EIF4G3: variants seen among roughly 807,000 people sequenced by gnomAD.
The protein encoded by EIF4G3 is eIF-4-gamma 3.
A neutral mutation model predicts 186.4 loss-of-function variants in EIF4G3; 34 were observed. The ratio of observed to expected loss-of-function variants is 0.18; its 90% confidence interval spans 0.14 to 0.24. EIF4G3 has a LOEUF of 0.24. Ranked by LOEUF, EIF4G3 falls within the 10% of genes least tolerant of loss-of-function variation. The pLI is 1.00. For missense variants in EIF4G3, 1,536 were observed against 1,948.5 expected (o/e 0.79, Z 3.99); for synonymous variants, 673 against 679.5 (o/e 0.99, Z 0.15).
At chr1:20,907,542 T>TCC (rs2092436750) in intron 14 of EIF4G3, among the ~76,000 whole-genome samples, 2 of 97,852 alleles carry the variant, frequency 2.0e-5, no homozygotes, top group South Asian at 7.5e-4. Flanking sequence ...CCCTCCCCCC[T>TCC]CCCCCAACCC....
chr1:20,841,248 A>G (rs1346057917), intron 29 of EIF4G3: 1 of 363,158 alleles, frequency 2.8e-6, no homozygotes, highest in Non-Finnish European at 4.8e-6. Flanking sequence ...AAAGAGCATT[A>G]CAGCCCTTTT....
At position 20,953,655 on chromosome 1, in the gene EIF4G3, T is replaced by C. The variant is rs569648041; in HGVS notation, c.715-3544A>G. 3.0e-3 allele frequency among the ~76,000 whole-genome samples: 451 copies of C among 152,354 alleles called. No individual in the cohort carries two copies. In the Middle Eastern group the frequency reaches 0.034, roughly 11 times the overall value. On this transcript the variant is annotated intron_variant, in intron 12 of 36. Transcript: ENST00000602326. Reference sequence around the variant, plus strand: ...TGTTTTGCACAAAAAAGGGGTCACCTTCTTTTGTCTTCTATTTTAATCACA... The same window carrying C: ...TGTTTTGCACAAAAAAGGGGTCACCCTCTTTTGTCTTCTATTTTAATCACA...
chr1:21,092,908 T>C (rs1435113937), intron 2 of EIF4G3, among the ~76,000 whole-genome samples: 1 of 152,190 alleles, frequency 6.6e-6, no homozygotes, highest in Non-Finnish European at 1.5e-5. Flanking sequence ...TGTAGAAAGC[T>C]GAAACTGGAT....
intron 2 of EIF4G3, among the ~76,000 whole-genome samples, chr1:21,126,825 T>G (rs2097055320): frequency 6.6e-6 from 1 of 152,058 alleles, no homozygotes; most frequent in African/African-American, 2.4e-5. Context: ...AATCCAAAGA[T>G]GCTCAATTCC....
intron 18 of EIF4G3, 132 bp downstream of exon 18, chr1:20,893,385 G>A (rs2086797597): frequency 5.2e-6 from 5 of 960,916 alleles, no homozygotes; most frequent in East Asian, 2.7e-5. Context: ...GTATGGAAAG[G>A]ATAGTCTTTG....
chr1:20,987,215 T>C (rs920128476), intron 7 of EIF4G3, among the ~76,000 whole-genome samples: 2 of 152,250 alleles, frequency 1.3e-5, no homozygotes, highest in Non-Finnish European at 2.9e-5. Context: ...TTCATGACTT[T>C]GCTCAGTAAA....
intron 14 of EIF4G3, among the ~76,000 whole-genome samples, chr1:20,916,437 ACT>A (rs1212541081): frequency 1.3e-5 from 2 of 151,688 alleles, no homozygotes; most frequent in Non-Finnish European, 2.9e-5. Context: ...ATAGAGAGAG[ACT>A]CTGTCTCAAA....
At chr1:20,942,467 T>C (rs1006746907) in intron 13 of EIF4G3, 137 bp from the exon 14 acceptor site, 5 of 741,312 alleles carry the variant, frequency 6.7e-6, no homozygotes, top group Non-Finnish European at 8.0e-6. Context: ...TATTCTGGTA[T>C]GCCAAAAACA....
At chr1:20,836,278 C>G (rs1001198642) in intron 30 of EIF4G3, among the ~76,000 whole-genome samples, 1 of 152,138 alleles carries the variant, frequency 6.6e-6, no homozygotes, top group Non-Finnish European at 1.5e-5. Flanking sequence ...GGATCTCACT[C>G]TGTTGCCCAG....
At chr1:21,016,207 T>C (rs2088985431) in intron 4 of EIF4G3, among the ~76,000 whole-genome samples, 1 of 152,188 alleles carries the variant, frequency 6.6e-6, no homozygotes, top group South Asian at 2.1e-4. Flanking sequence ...GTTAAATTAT[T>C]ATCACCTTAA....
In EIF4G3 at chr1:20,942,321, G is replaced by A; in HGVS notation, c.833C>T (p.Pro278Leu). ...AASDQKQEEK[P>L]KPDPVLKSPS... ...AGACTTTAACACTGGATCTGGTTTT[G>A]GCTTCTCCTCTGGGGAAAAAAAAAT... The change falls in exon 14 of 37, where the codon CCA (proline) becomes CTA (leucine). Residue 278 changes from proline to leucine, a missense_variant. Physicochemically the swap from Pro to Leu is moderately conservative, Grantham distance 98. Transcript: ENST00000602326. The A allele has an allele frequency of 1.9e-6, 3 of 1,570,656 alleles. No homozygotes were observed. The highest frequency in any genetic ancestry group is 2.6e-6 in the Non-Finnish European group (3 of 1,163,230).
At chr1:21,007,850 G>C (rs932565739) in intron 4 of EIF4G3, among the ~76,000 whole-genome samples, 1 of 152,144 alleles carries the variant, frequency 6.6e-6, no homozygotes, top group Non-Finnish European at 1.5e-5. Context: ...CGGTTATAAA[G>C]AGTGTACAGG....
chr1:20,959,168 G>A (rs564979436), intron 12 of EIF4G3, among the ~76,000 whole-genome samples: 73 of 152,162 alleles, frequency 4.8e-4, no homozygotes, highest in African/African-American at 1.5e-3. Flanking sequence ...ACAAAACAGC[G>A]TAGTACTGGT....
chr1:20,980,972 C>G, intron 9 of EIF4G3, 76 bp downstream of exon 9: 1 of 1,241,432 alleles, frequency 8.1e-7, no homozygotes, highest in Admixed American at 2.5e-5. Context: ...AATTCATCCA[C>G]CCAGCTCCCT....
At chr1:20,918,736 G>C (rs947741129) in intron 14 of EIF4G3, among the ~76,000 whole-genome samples, 15 of 127,256 alleles carry the variant, frequency 1.2e-4, no homozygotes, top group Non-Finnish European at 2.2e-4. Context: ...TAAAGAGGCA[G>C]GTTCTCACTA....
intron 2 of EIF4G3, among the ~76,000 whole-genome samples, chr1:21,121,301 T>C (rs2096920641): frequency 6.6e-6 from 1 of 152,240 alleles, no homozygotes; most frequent in Non-Finnish European, 1.5e-5. Context: ...TTATAATAAA[T>C]GTAAATACTT....
In EIF4G3 at chr1:21,144,448, G is replaced by T. The variant is rs980879121; in HGVS notation, c.-272+31727C>A. 2.6e-5 allele frequency among the ~76,000 whole-genome samples: 4 copies of T among 151,230 alleles called. No individual in the cohort carries two copies. In the South Asian group the frequency reaches 8.3e-4, roughly 32 times the overall value. ...TTTTTTTTTTTTTTCGTAGAGATGG[G>T]GTCTCGCTGTGTTGCCTAGGCTGGT... On this transcript the variant is annotated intron_variant, in intron 2 of 36. Transcript: ENST00000602326.
chr1:21,162,137 A>C (rs978892787), intron 2 of EIF4G3: 2 of 154,290 alleles, frequency 1.3e-5, no homozygotes, highest in East Asian at 1.8e-4. Context: ...CCGTTCCACT[A>C]AAGTTCTGAA....
rs1283558495 is a variant in EIF4G3, at chr1:20,942,139, T to C, written c.1015A>G (p.Thr339Ala). 6.2e-7 allele frequency: 1 copy of C among 1,613,884 alleles called. No homozygotes were observed. The highest frequency in any genetic ancestry group is 1.3e-5 in the African/African-American group (1 of 74,954). Reference sequence around the variant, plus strand: ...GGTTGGCTACTAAGAGCAGAAGAGGTGGGGGCTGCAATTGTACTTCGAGCA... The same window carrying C: ...GGTTGGCTACTAAGAGCAGAAGAGGCGGGGGCTGCAATTGTACTTCGAGCA... ...SVARSTIAAP[T>A]SSALSSQPIF... The change falls in exon 14 of 37, where the codon ACC becomes GCC. Residue 339 changes from threonine (T) to alanine (A), a missense_variant. Physicochemically the swap from Thr to Ala is moderately conservative, Grantham distance 58. This residue lies in a region of EIF4G3 where 560 missense variants were observed against 547.8 expected (regional missense o/e 1.02). Coordinates refer to ENST00000602326, the MANE Select transcript of EIF4G3 (RefSeq NM_001391906.1).
Sources: allele counts gnomAD v4.1 joint callset (sites outside exome capture counted in the v4.1 genomes callset), GRCh38; gene constraint gnomAD v4.1.1; regional missense constraint gnomAD v4.1.1; transcripts MANE v1.5; gene names NCBI Gene and HGNC (gene_info 2026-07-23, HGNC 2026-07-21).